The following CTNNBL1 variants were observed in gnomAD, a reference collection of about 807,000 sequenced individuals.
CTNNBL1 encodes the protein catenin beta like 1.
Under a neutral mutation model 72.7 loss-of-function variants are expected in CTNNBL1, and 31 were observed. The ratio of observed to expected loss-of-function variants is 0.43; its 90% CI spans 0.32 to 0.58. CTNNBL1 has a LOEUF of 0.58. CTNNBL1 is among the 20% of genes least tolerant of loss of function. The pLI, the probability that CTNNBL1 is intolerant of heterozygous loss-of-function variation, is 0.08. For synonymous variants in CTNNBL1, 240 were observed against 267.3 expected, an observed-to-expected ratio of 0.90 and a Z score of 1.00; for missense variants, 534 against 725.1, an observed-to-expected ratio of 0.74 and a Z score of 3.03.
intron 11 of CTNNBL1, among the ~76,000 whole-genome samples, chr20:37,835,818 A>G (rs1362574204): frequency 1.3e-5 from 2 of 152,194 alleles, no homozygotes; most frequent in Non-Finnish European, 2.9e-5. Flanking sequence ...AATTCTAGAT[A>G]GCCATTTTTA....
At chr20:37,870,317 C>A (rs1433438659) in intron 15 of CTNNBL1, among the ~76,000 whole-genome samples, 1 of 152,020 alleles carries the variant, frequency 6.6e-6, no homozygotes, top group Non-Finnish European at 1.5e-5. Flanking sequence ...CTAGACTATT[C>A]TCTCTCCCTC....
chr20:37,718,513 T>C (rs2073012346), intron 1 of CTNNBL1, among the ~76,000 whole-genome samples: 1 of 141,676 alleles, frequency 7.1e-6, no homozygotes, highest in Admixed American at 6.9e-5. Context: ...GCAGAGGGGC[T>C]CCTCACTTCC....
intron 11 of CTNNBL1, among the ~76,000 whole-genome samples, chr20:37,835,383 G>A (rs1218498863): frequency 6.6e-6 from 1 of 152,066 alleles, no homozygotes; most frequent in African/African-American, 2.4e-5. Flanking sequence ...AATACACATA[G>A]GAAAAGATGT....
chr20:37,861,417 T>C (rs997766665), intron 15 of CTNNBL1, among the ~76,000 whole-genome samples: 19 of 152,250 alleles, frequency 1.2e-4, no homozygotes, highest in African/African-American at 4.1e-4. Context: ...CTGGTACGTG[T>C]GGCAGTGGAG....
intron 3 of CTNNBL1, among the ~76,000 whole-genome samples, chr20:37,738,793 C>T (rs183107010): frequency 3.3e-5 from 5 of 152,094 alleles, no homozygotes; most frequent in South Asian, 2.1e-4. Context: ...TTTTATTAGG[C>T]GGAAAAGAAC....
intron 4 of CTNNBL1, chr20:37,749,904 T>C (rs2073303316): frequency 6.6e-6 from 1 of 152,208 alleles, no homozygotes; most frequent in African/African-American, 2.4e-5. Flanking sequence ...CAGCTGTAAC[T>C]GCCCAAAACA....
At chr20:37,782,774 A>G (rs1249762964) in intron 10 of CTNNBL1, among the ~76,000 whole-genome samples, 1 of 152,222 alleles carries the variant, frequency 6.6e-6, no homozygotes, top group Non-Finnish European at 1.5e-5. Flanking sequence ...TCAGATGCTA[A>G]ATTTTCATCA....
intron 15 of CTNNBL1, among the ~76,000 whole-genome samples, chr20:37,869,247 A>C (rs73904796): frequency 6.6e-6 from 1 of 152,216 alleles, no homozygotes; most frequent in Non-Finnish European, 1.5e-5. Context: ...AAGAGGTAGC[A>C]GGAGCAAAAT....
At chr20:37,844,215 G>C (rs2072328396) in intron 13 of CTNNBL1, among the ~76,000 whole-genome samples, 1 of 152,152 alleles carries the variant, frequency 6.6e-6, no homozygotes, top group Non-Finnish European at 1.5e-5. Flanking sequence ...TATCTGCTAG[G>C]GAGGTTTTGA....
chr20:37,716,848 C>T (rs982000411), intron 1 of CTNNBL1, among the ~76,000 whole-genome samples: 1 of 152,220 alleles, frequency 6.6e-6, no homozygotes, highest in African/African-American at 2.4e-5. Flanking sequence ...CACGTGCATT[C>T]TATCTTCCTT....
chr20:37,747,605 G>T (rs776164240), intron 4 of CTNNBL1, among the ~76,000 whole-genome samples: 4 of 152,010 alleles, frequency 2.6e-5, no homozygotes, highest in African/African-American at 7.3e-5. Context: ...TAGAGACAGG[G>T]TCTTGCTTTG....
rs775940164 is a variant in CTNNBL1 at position 37,746,520 on chromosome 20, G to A, written c.379G>A (p.Val127Met). 2.5e-6 allele frequency: 4 copies of A among 1,614,124 alleles called. No individual in the cohort carries two copies. Among genetic ancestry groups the A allele is most frequent in the Non-Finnish European group, 3.4e-6 (4 of 1,179,984 alleles). ...LNDIIQEMHV[V>M]ATMPDLYHLL... ...TGACATCATTCAGGAGATGCACGTGGTGGCCACCATGCCAGACCTGTACCA... is the reference window on the plus strand; with the variant it reads ...TGACATCATTCAGGAGATGCACGTGATGGCCACCATGCCAGACCTGTACCA... Residue 127 changes from valine (V) to methionine (M), a missense_variant, in exon 4 of 16, where the codon GTG becomes ATG. Transcript: ENST00000361383.
chr20:37,762,684 A>G (rs2073428589), intron 5 of CTNNBL1, among the ~76,000 whole-genome samples: 1 of 152,206 alleles, frequency 6.6e-6, no homozygotes, highest in Admixed American at 6.5e-5. Context: ...AATAGAATAG[A>G]ATGCTAATAT....
At chr20:37,701,625 G>T (rs1171949086) in intron 1 of CTNNBL1, among the ~76,000 whole-genome samples, 1 of 152,202 alleles carries the variant, frequency 6.6e-6, no homozygotes, top group African/African-American at 2.4e-5. Flanking sequence ...CTTGATGAAT[G>T]GGTAGGGATT....
chr20:37,782,477 G>A (rs2073634595), intron 10 of CTNNBL1, among the ~76,000 whole-genome samples: 2 of 152,154 alleles, frequency 1.3e-5, no homozygotes, highest in South Asian at 4.1e-4. Flanking sequence ...CATTTTAAGT[G>A]TACAGTTTTG....
intron 1 of CTNNBL1, among the ~76,000 whole-genome samples, chr20:37,728,205 A>G (rs548301074): frequency 2.6e-5 from 4 of 152,356 alleles, no homozygotes; most frequent in Non-Finnish European, 4.4e-5. Flanking sequence ...GAGAAACACC[A>G]TAAGTGTAAA....
intron 3 of CTNNBL1, among the ~76,000 whole-genome samples, chr20:37,738,717 C>T (rs940198365): frequency 1.8e-4 from 28 of 152,202 alleles, no homozygotes; most frequent in African/African-American, 6.5e-4. Flanking sequence ...ACAGTAAATA[C>T]CAAGTTGGGG....
intron 5 of CTNNBL1, 75 bp downstream of exon 5, chr20:37,757,731 G>A (rs2073377775): frequency 9.2e-7 from 1 of 1,083,634 alleles, no homozygotes; most frequent in South Asian, 1.4e-5. Context: ...GTCTCGGAGA[G>A]TGGCCACCAG....
intron 7 of CTNNBL1, among the ~76,000 whole-genome samples, chr20:37,772,244 A>G (rs149589551): frequency 3.9e-5 from 6 of 152,340 alleles, no homozygotes; most frequent in African/African-American, 9.6e-5. Flanking sequence ...AGCCAGGAGC[A>G]TCAGCATCAC....
Sources: gnomAD v4.1 joint callset for allele counts (sites outside exome capture counted in the v4.1 genomes callset) on GRCh38, gnomAD v4.1.1 for gene constraint, MANE v1.5 for transcripts, NCBI Gene and HGNC (gene_info 2026-07-23, HGNC 2026-07-21) for gene names.